The following ARPC2 variants were observed in gnomAD, a reference collection of about 807,000 sequenced individuals.
The protein encoded by ARPC2 is actin-related protein 2/3 complex subunit 2.
Under a neutral mutation model 38.6 loss-of-function variants are expected in ARPC2, and 4 were observed. The observed-to-expected ratio is 0.10, with a 90% CI of 0.05 to 0.24. The LOEUF (loss-of-function observed/expected upper bound fraction) is 0.24, where lower values mean the gene tolerates loss of function less well. Among genes scored for constraint, ARPC2 ranks in the 10% least tolerant of loss-of-function variants. The probability of loss-of-function intolerance (pLI) is 1.00; values close to 1 mark genes in which losing one functional copy is unlikely to be tolerated. For missense variants in ARPC2, 229 were observed against 387.3 expected, an observed-to-expected ratio of 0.59 and a Z score of 3.43; for synonymous variants, 125 against 140.8, an observed-to-expected ratio of 0.89 and a Z score of 0.79.
intron 2 of ARPC2, among the ~76,000 whole-genome samples, chr2:218,223,372 C>G (rs1472411610): frequency 7.9e-5 from 12 of 152,154 alleles, no homozygotes; most frequent in Admixed American, 7.9e-4. Flanking sequence ...TGCTTGTGTT[C>G]AAGTTACCCT....
intron 10 of ARPC2, among the ~76,000 whole-genome samples, chr2:218,250,946 C>G (rs945747324): frequency 5.9e-5 from 9 of 152,076 alleles, no homozygotes; most frequent in African/African-American, 1.7e-4. Flanking sequence ...CAGCTCACTG[C>G]AGCCTCTGCC....
At chr2:218,246,908 G>A (rs984048374) in intron 8 of ARPC2, among the ~76,000 whole-genome samples, 1 of 152,140 alleles carries the variant, frequency 6.6e-6, no homozygotes, top group Non-Finnish European at 1.5e-5. Flanking sequence ...AACCCAGAAA[G>A]TGGAGGTTGC....
At chr2:218,252,960 G>T in intron 10 of ARPC2, 1 of 456,906 alleles carries the variant, frequency 2.2e-6, no homozygotes, top group South Asian at 1.5e-5. Context: ...CTTTGGCAGA[G>T]TTGGGCCCCA....
At position 218,249,939 on chromosome 2, in the gene ARPC2, C is replaced by T; in HGVS notation, c.878+18C>T. On this transcript the variant is annotated intron_variant, in intron 10 of 10. Transcript: ENST00000315717. ...ACAATCACGTAAGTTAGGCAGCACC[C>T]CAGCGACCACCTTCCTCTCCTGAGT... is the stretch of plus-strand genomic sequence containing the variant. 3.2e-6 allele frequency: 5 copies of T among 1,573,366 alleles called. No homozygotes were observed. Among genetic ancestry groups the T allele is most frequent in the Non-Finnish European group, 4.3e-6 (5 of 1,152,790 alleles).
chr2:218,251,862 A>G (rs1690200643), intron 10 of ARPC2, among the ~76,000 whole-genome samples: 1 of 152,146 alleles, frequency 6.6e-6, no homozygotes, highest in Non-Finnish European at 1.5e-5. Flanking sequence ...TTCTGCTGTC[A>G]TTTGAAAGGA....
intron 7 of ARPC2, among the ~76,000 whole-genome samples, chr2:218,241,309 T>C (rs1389144811): frequency 6.6e-6 from 1 of 152,224 alleles, no homozygotes; most frequent in African/African-American, 2.4e-5. Flanking sequence ...TTTTGGCTAA[T>C]TAATCAGAAA....
chr2:218,240,853 A>G (rs1376036994), intron 7 of ARPC2, among the ~76,000 whole-genome samples: 1 of 151,668 alleles, frequency 6.6e-6, no homozygotes, highest in Non-Finnish European at 1.5e-5. Context: ...AGATTGCACC[A>G]TTGCACTCCA....
At chr2:218,234,155 G>C (rs1310772390) in intron 4 of ARPC2, 197 bp from the exon 5 acceptor site, 2 of 500,014 alleles carry the variant, frequency 4.0e-6, no homozygotes, top group African/African-American at 4.0e-5. Flanking sequence ...GGCATAAAAA[G>C]ATACTCATCT....
intron 4 of ARPC2, chr2:218,233,415 G>A (rs1442779031): frequency 6.6e-6 from 1 of 151,862 alleles, no homozygotes; most frequent in Non-Finnish European, 1.5e-5. Context: ...CATAGCAGAA[G>A]GTATAAAAGG....
At chr2:218,237,497 A>C (rs1275794046) in intron 5 of ARPC2, among the ~76,000 whole-genome samples, 1 of 143,418 alleles carries the variant, frequency 7.0e-6, no homozygotes, top group Non-Finnish European at 1.5e-5. Flanking sequence ...CTGTGCCCAG[A>C]CCACCCTACC....
intron 10 of ARPC2, among the ~76,000 whole-genome samples, chr2:218,251,638 A>T (rs557724961): frequency 1.3e-5 from 2 of 152,076 alleles, no homozygotes; most frequent in South Asian, 4.2e-4. Flanking sequence ...ATTTTTGTAG[A>T]GACGGGATTT....
intron 5 of ARPC2, chr2:218,234,830 A>C: frequency 2.2e-6 from 1 of 457,882 alleles, no homozygotes; most frequent in Non-Finnish European, 4.4e-6. Flanking sequence ...AATAAAAATC[A>C]GACCCTTTCT....
At position 218,237,715 on chromosome 2, in the gene ARPC2, C is replaced by T. The variant is rs562947506; in HGVS notation, c.269-949C>T. Among the ~76,000 whole-genome samples, 12 of 151,942 alleles carry T rather than the reference C, an allele frequency of 7.9e-5. No homozygotes were observed. The South Asian group carries it at 2.1e-3, about 26-fold the overall frequency. ...CCAAGTAGCTAGGATTACAGGCGCC[C>T]GCCACCATGCCTGGCTAATATTTGT... On this transcript the variant is annotated intron_variant, in intron 5 of 10. Coordinates refer to ENST00000315717, the MANE Select transcript of ARPC2 (RefSeq NM_152862.3).
chr2:218,234,692 G>A (rs1257698543), intron 5 of ARPC2: 5 of 490,352 alleles, frequency 1.0e-5, no homozygotes, highest in Admixed American at 8.6e-5. Context: ...TTTGTTCATG[G>A]TGATTAAAAT....
intron 3 of ARPC2, among the ~76,000 whole-genome samples, chr2:218,228,172 A>C (rs1464322685): frequency 6.6e-6 from 1 of 152,088 alleles, no homozygotes. Context: ...TGGGAGGCTG[A>C]GGTGGGCAGA....
intron 2 of ARPC2, among the ~76,000 whole-genome samples, chr2:218,224,704 G>GA (rs869301576): frequency 8.9e-5 from 12 of 134,936 alleles, no homozygotes; most frequent in Non-Finnish European, 2.0e-4. Flanking sequence ...TCACATATAG[G>GA]GCTTTGAAGA....
At chr2:218,242,859 A>G (rs189103701) in intron 7 of ARPC2, among the ~76,000 whole-genome samples, 76 of 152,224 alleles carry the variant, frequency 5.0e-4, no homozygotes, top group African/African-American at 1.8e-3. Flanking sequence ...TACTAGGGAG[A>G]GTAGCCTTTC....
chr2:218,221,149 G>C (rs1344035996), intron 2 of ARPC2, among the ~76,000 whole-genome samples: 1 of 152,178 alleles, frequency 6.6e-6, no homozygotes, highest in Non-Finnish European at 1.5e-5. Flanking sequence ...AGGAAATTCT[G>C]TCAGATGCAA....
intron 2 of ARPC2, among the ~76,000 whole-genome samples, chr2:218,222,429 A>AAAATTTTT (rs1014575669): frequency 6.6e-6 from 1 of 152,196 alleles, no homozygotes; most frequent in Non-Finnish European, 1.5e-5. Context: ...AAGATAGAAG[A>AAAATTTTT]AAATTTTTTC....
Sources: allele counts gnomAD v4.1 joint callset (sites outside exome capture counted in the v4.1 genomes callset), GRCh38; gene constraint gnomAD v4.1.1; transcripts MANE v1.5; gene names NCBI Gene and HGNC (gene_info 2026-07-23, HGNC 2026-07-21).